ANO10: variants seen among roughly 807,000 people sequenced by gnomAD.
ANO10 encodes anoctamin 10.
ANO10 carries 77 observed loss-of-function variants against 74.7 expected under a neutral mutation model. The ratio of observed to expected loss-of-function variants is 1.03; its 90% CI spans 0.86 to 1.25. The LOEUF is 1.25. Ranked by LOEUF, ANO10 falls within the 50% of genes most tolerant of loss-of-function variation. The pLI is 0.00. For synonymous variants in ANO10, 279 were observed against 284.9 expected (o/e 0.98, Z 0.21); for missense variants, 721 against 778.1 (o/e 0.93, Z 0.87).
At chr3:43,629,019 G>T (rs1317861837) in intron 1 of ANO10, among the ~76,000 whole-genome samples, 1 of 151,972 alleles carries the variant, frequency 6.6e-6, no homozygotes, top group Non-Finnish European at 1.5e-5. Flanking sequence ...ACACCTATTC[G>T]CACACTCCCT....
intron 4 of ANO10, among the ~76,000 whole-genome samples, chr3:43,587,426 C>T (rs1231119524): frequency 6.6e-6 from 1 of 152,072 alleles, no homozygotes; most frequent in Non-Finnish European, 1.5e-5. Flanking sequence ...GGTGTAGGAA[C>T]CCAGATAACA....
chr3:43,488,350 A>T (rs1260920598), intron 11 of ANO10, among the ~76,000 whole-genome samples: 1 of 150,900 alleles, frequency 6.6e-6, no homozygotes, highest in Non-Finnish European at 1.5e-5. Flanking sequence ...GCTTCTGCAC[A>T]GCAAAAGAAC....
chr3:43,636,551 AAGT>A, intron 1 of ANO10: 1 of 152,240 alleles, frequency 6.6e-6, no homozygotes, highest in South Asian at 2.1e-4. Flanking sequence ...GAGGGTACAG[AAGT>A]AGTTACAGAG....
At chr3:43,544,435 T>G (rs1230440861) in intron 11 of ANO10, among the ~76,000 whole-genome samples, 1 of 151,962 alleles carries the variant, frequency 6.6e-6, no homozygotes, top group African/African-American at 2.4e-5. Context: ...GTTCTCATAA[T>G]ACAGCAGTGA....
intron 12 of ANO10, among the ~76,000 whole-genome samples, chr3:43,427,921 T>C (rs187661057): frequency 5.9e-5 from 9 of 152,294 alleles, no homozygotes; most frequent in Admixed American, 2.0e-4. Flanking sequence ...AAAATGTTTG[T>C]CTCTCCTGGT....
At chr3:43,498,957 C>T (rs779043411) in intron 11 of ANO10, among the ~76,000 whole-genome samples, 4 of 152,138 alleles carry the variant, frequency 2.6e-5, no homozygotes, top group Non-Finnish European at 4.4e-5. Context: ...GGCTGTGGTG[C>T]TTGGGCACTG....
intron 1 of ANO10, among the ~76,000 whole-genome samples, chr3:43,617,701 G>A (rs895609576): frequency 6.6e-6 from 1 of 151,776 alleles, no homozygotes; most frequent in African/African-American, 2.4e-5. Flanking sequence ...TTTATTCTGG[G>A]GATTATTCTT....
At chr3:43,404,172 T>C (rs1166826973) in intron 12 of ANO10, among the ~76,000 whole-genome samples, 1 of 152,232 alleles carries the variant, frequency 6.6e-6, no homozygotes, top group Non-Finnish European at 1.5e-5. Context: ...CAGCTGTCCC[T>C]GAGGCCAGAG....
intron 1 of ANO10, among the ~76,000 whole-genome samples, chr3:43,608,858 G>A (rs2149505420): frequency 6.6e-6 from 1 of 152,306 alleles, no homozygotes; most frequent in Admixed American, 6.5e-5. Context: ...TGGGATTGCA[G>A]GTGTGAGCCA....
At chr3:43,567,529 C>T (rs2080434167) in intron 7 of ANO10, among the ~76,000 whole-genome samples, 1 of 152,038 alleles carries the variant, frequency 6.6e-6, no homozygotes, top group Non-Finnish European at 1.5e-5. Context: ...GGCCAATATT[C>T]AACATTCTTA....
intron 11 of ANO10, among the ~76,000 whole-genome samples, chr3:43,503,017 G>C (rs2077155525): frequency 6.6e-6 from 1 of 152,128 alleles, no homozygotes; most frequent in Non-Finnish European, 1.5e-5. Flanking sequence ...GATTACTGTG[G>C]TTGCACATTA....
intron 12 of ANO10, among the ~76,000 whole-genome samples, chr3:43,385,607 C>T (rs140292203): frequency 1.6e-3 from 241 of 152,204 alleles, no homozygotes; most frequent in African/African-American, 5.3e-3. Context: ...GCATCCGCAG[C>T]GACCTGGATG....
At position 43,682,078 on chromosome 3, in the gene ANO10, C is replaced by G. The variant is rs193207152; in HGVS notation, c.-12+9439G>C. Among the ~76,000 whole-genome samples, 36 of 152,044 alleles carry G rather than the reference C, an allele frequency of 2.4e-4. No individual in the cohort carries two copies. In the East Asian group the frequency reaches 6.6e-3, roughly 28 times the overall value. On this transcript the variant is annotated intron_variant, in intron 1 of 3. Coordinates refer to the ANO10 transcript ENST00000413397. ...AGCAGAAGGCAAGAAATAACTATGACCAGAGCCGAACTGAAGGAAATAGAG... is the reference window on the plus strand; with the variant it reads ...AGCAGAAGGCAAGAAATAACTATGAGCAGAGCCGAACTGAAGGAAATAGAG...
chr3:43,492,552 G>A (rs930513669), intron 11 of ANO10, among the ~76,000 whole-genome samples: 1 of 152,086 alleles, frequency 6.6e-6, no homozygotes, highest in Non-Finnish European at 1.5e-5. Context: ...CTGACAAAGG[G>A]CTAATATCCA....
intron 12 of ANO10, among the ~76,000 whole-genome samples, chr3:43,420,044 A>G (rs147130867): frequency 5.1e-4 from 78 of 152,352 alleles, no homozygotes; most frequent in African/African-American, 1.8e-3. Flanking sequence ...TTAAAAGTCT[A>G]AATTTCCTAG....
intron 11 of ANO10, among the ~76,000 whole-genome samples, chr3:43,455,617 C>A: frequency 6.6e-6 from 1 of 152,038 alleles, no homozygotes. Flanking sequence ...CTTTCTGGGG[C>A]CAGCTAATTT....
At chr3:43,568,477 C>T (rs1392844613) in intron 7 of ANO10, among the ~76,000 whole-genome samples, 1 of 151,474 alleles carries the variant, frequency 6.6e-6, no homozygotes, top group Non-Finnish European at 1.5e-5. Context: ...GAAATTATAA[C>T]AAACTATCTC....
chr3:43,431,334 A>C (rs1271080443), intron 12 of ANO10, among the ~76,000 whole-genome samples: 1 of 151,794 alleles, frequency 6.6e-6, no homozygotes, highest in African/African-American at 2.4e-5. Flanking sequence ...CAGCCTCCCA[A>C]AGTGCTGGGA....
chr3:43,646,981 G>C (rs1207644285), intron 1 of ANO10, among the ~76,000 whole-genome samples: 1 of 152,126 alleles, frequency 6.6e-6, no homozygotes, highest in East Asian at 1.9e-4. Flanking sequence ...AAGCGGGAAA[G>C]AAAAGCACCC....
Sources: allele counts gnomAD v4.1 joint callset (sites outside exome capture counted in the v4.1 genomes callset), GRCh38; gene constraint gnomAD v4.1.1; transcripts MANE v1.5; gene names NCBI Gene and HGNC (gene_info 2026-07-23, HGNC 2026-07-21).